The following DNAH3 variants were observed in gnomAD, a reference collection of about 807,000 sequenced individuals.
DNAH3 encodes the protein dynein axonemal heavy chain 3, also known as axonemal beta dynein heavy chain 3.
In DNAH3, 332 loss-of-function variants were observed where a neutral mutation model predicts 432.5. The ratio of observed to expected loss-of-function variants is 0.77; its 90% CI spans 0.70 to 0.84. DNAH3 has a LOEUF of 0.84. Ranked by LOEUF, DNAH3 falls within the 40% of genes least tolerant of loss-of-function variation. DNAH3 has a pLI of 0.00. For synonymous variants in DNAH3, 1,956 were observed against 1,900.2 expected (o/e 1.03, Z -0.76); for missense variants, 4,861 against 5,114.0 (o/e 0.95, Z 1.51).
intron 49 of DNAH3, among the ~76,000 whole-genome samples, chr16:20,981,659 A>T (rs1269429224): frequency 6.6e-6 from 1 of 152,120 alleles, no homozygotes; most frequent in Non-Finnish European, 1.5e-5. Context: ...CGGGAGGCGG[A>T]GGTTGCTGTG....
At chr16:21,120,654 A>C in intron 11 of DNAH3, 152 of 963,682 alleles carry the variant, frequency 1.6e-4, no homozygotes, top group Non-Finnish European at 2.2e-4. Context: ...AGTCATTGGT[A>C]TTCACATAGG....
chr16:21,057,402 A>C (rs1009809412), intron 27 of DNAH3, among the ~76,000 whole-genome samples: 1 of 152,212 alleles, frequency 6.6e-6, no homozygotes, highest in African/African-American at 2.4e-5. Flanking sequence ...CCTCGTGTCT[A>C]AGTACCGAAT....
chr16:21,047,880 GT>G, intron 31 of DNAH3, among the ~76,000 whole-genome samples: 1 of 151,046 alleles, frequency 6.6e-6, no homozygotes. Context: ...CTGTTTGTTA[GT>G]TTTCCTTCTA....
At chr16:20,953,879 G>A (rs1201515594) in intron 55 of DNAH3, among the ~76,000 whole-genome samples, 1 of 151,988 alleles carries the variant, frequency 6.6e-6, no homozygotes, top group Non-Finnish European at 1.5e-5. Context: ...CAAAGTACTG[G>A]GATTACAGGC....
chr16:21,139,736 G>C (rs983377648), intron 5 of DNAH3, among the ~76,000 whole-genome samples: 6 of 150,274 alleles, frequency 4.0e-5, no homozygotes, highest in African/African-American at 1.5e-4. Flanking sequence ...CTAAAGTGCT[G>C]GGATTACAGG....
At chr16:20,965,878 A>C (rs888350113) in intron 52 of DNAH3, among the ~76,000 whole-genome samples, 1 of 151,116 alleles carries the variant, frequency 6.6e-6, no homozygotes, top group African/African-American at 2.4e-5. Flanking sequence ...ATGCCTGGCT[A>C]ATTTTTGTAT....
intron 57 of DNAH3, among the ~76,000 whole-genome samples, chr16:20,948,211 AG>A (rs374589992): frequency 6.6e-6 from 1 of 152,238 alleles, no homozygotes; most frequent in African/African-American, 2.4e-5. Context: ...CTCACTTCCA[AG>A]GCTCCATCTT....
At chr16:21,071,897 T>G (rs2090797092) in intron 21 of DNAH3, among the ~76,000 whole-genome samples, 2 of 152,166 alleles carry the variant, frequency 1.3e-5, no homozygotes, top group African/African-American at 4.8e-5. Flanking sequence ...GGTAGGAAGA[T>G]CGGCTGCTAA....
At chr16:21,096,732 T>C (rs947701080) in intron 18 of DNAH3, among the ~76,000 whole-genome samples, 1 of 152,162 alleles carries the variant, frequency 6.6e-6, no homozygotes, top group Non-Finnish European at 1.5e-5. Flanking sequence ...ACCAACCAAA[T>C]TGCCTGAGCC....
intron 1 of DNAH3, among the ~76,000 whole-genome samples, chr16:21,157,827 C>T (rs2092909254): frequency 6.6e-6 from 1 of 151,866 alleles, no homozygotes; most frequent in Admixed American, 6.6e-5. Flanking sequence ...CAGTAAGTTG[C>T]CATCATGCTC....
chr16:21,117,912 C>T (rs1315283532), intron 11 of DNAH3, among the ~76,000 whole-genome samples: 1 of 152,116 alleles, frequency 6.6e-6, no homozygotes, highest in Non-Finnish European at 1.5e-5. Context: ...ATTCTGGAGA[C>T]GTGGATTCTA....
At chr16:21,081,525 C>T (rs546360690) in intron 20 of DNAH3, 111 bp downstream of exon 20, 45 of 805,468 alleles carry the variant, frequency 5.6e-5, no homozygotes, top group South Asian at 3.2e-4. Flanking sequence ...AGCCACCCTA[C>T]GCCACAAGGA....
intron 28 of DNAH3, among the ~76,000 whole-genome samples, chr16:21,053,507 T>C (rs2090028627): frequency 6.6e-6 from 1 of 152,200 alleles, no homozygotes; most frequent in South Asian, 2.1e-4. Context: ...ATGCTTGTGT[T>C]TGTGAACCCA....
chr16:20,977,374 C>G lies in DNAH3; in HGVS notation c.8076+1956G>C, dbSNP rs149087609. 2.1e-3 allele frequency among the ~76,000 whole-genome samples: 315 copies of G among 152,198 alleles called. 2 individuals carry two copies. The highest frequency in any genetic ancestry group is 7.3e-3 in the African/African-American group (302 of 41,528). On this transcript the variant is annotated intron_variant, in intron 50 of 61. Transcript: ENST00000261383. Reference sequence around the variant, plus strand: ...CCTGGGTGATGGAATGAGACTCTGTCAAAACAAAAACAAAAACAAACAAAC... The same window carrying G: ...CCTGGGTGATGGAATGAGACTCTGTGAAAACAAAAACAAAAACAAACAAAC...
At chr16:21,127,234 G>C (rs1328107334) in intron 8 of DNAH3, among the ~76,000 whole-genome samples, 1 of 151,762 alleles carries the variant, frequency 6.6e-6, no homozygotes, top group African/African-American at 2.4e-5. Flanking sequence ...CAGGCATGGG[G>C]CAGAAAGCAG....
chr16:21,056,289 C>T (rs926614069), intron 27 of DNAH3, among the ~76,000 whole-genome samples: 1 of 152,118 alleles, frequency 6.6e-6, no homozygotes, highest in African/African-American at 2.4e-5. Flanking sequence ...TATTTCAGGT[C>T]TTTTCTTAGA....
intron 7 of DNAH3, among the ~76,000 whole-genome samples, chr16:21,129,065 C>T (rs2092503044): frequency 6.6e-6 from 1 of 152,070 alleles, no homozygotes; most frequent in South Asian, 2.1e-4. Flanking sequence ...AGAGTAAAAG[C>T]GTGCCTAGTG....
intron 1 of DNAH3, among the ~76,000 whole-genome samples, chr16:21,151,320 C>T (rs553875961): frequency 1.7e-5 from 2 of 117,682 alleles, no homozygotes; most frequent in Non-Finnish European, 1.7e-5. Context: ...AGTTTTTCCC[C>T]GTTTTTTTTT....
At chr16:20,969,685 T>A in intron 52 of DNAH3, 107 bp downstream of exon 52, 1 of 1,256,724 alleles carries the variant, frequency 8.0e-7, no homozygotes, top group Non-Finnish European at 1.2e-6. Flanking sequence ...CCAAACTCAG[T>A]GATCTTGCCT....
Sources: allele counts gnomAD v4.1 joint callset (sites outside exome capture counted in the v4.1 genomes callset), GRCh38; gene constraint gnomAD v4.1.1; transcripts MANE v1.5; gene names NCBI Gene and HGNC (gene_info 2026-07-23, HGNC 2026-07-21).